The following ZMIZ1 variants were observed in gnomAD, a reference collection of about 807,000 sequenced individuals.
The protein encoded by ZMIZ1 is zinc finger MIZ domain-containing protein 1.
Under a neutral mutation model 113.9 loss-of-function variants are expected in ZMIZ1, and 17 were observed. The observed-to-expected ratio is 0.15, with a 90% CI of 0.10 to 0.22. The LOEUF (loss-of-function observed/expected upper bound fraction) is 0.22, where lower values mean the gene tolerates loss of function less well. ZMIZ1 is among the 10% of genes least tolerant of loss of function. The pLI, the probability that ZMIZ1 is intolerant of heterozygous loss-of-function variation, is 1.00. For synonymous variants in ZMIZ1, 607 were observed against 603.1 expected (o/e 1.01, Z -0.09); for missense variants, 1,059 against 1,477.8 (o/e 0.72, Z 4.65).
chr10:79,269,856 C>G (rs78124091), intron 7 of ZMIZ1, among the ~76,000 whole-genome samples: 3,587 of 152,300 alleles, frequency 0.024, 151 homozygotes, highest in African/African-American at 0.081. Context: ...GGCGAGGAAG[C>G]CTTTCCCAGG....
At chr10:79,087,101 T>C (rs1023293137) in intron 1 of ZMIZ1, among the ~76,000 whole-genome samples, 9 of 152,284 alleles carry the variant, frequency 5.9e-5, no homozygotes, top group African/African-American at 2.2e-4. Flanking sequence ...CCCAGGCCTC[T>C]AACCCTCCAC....
At chr10:79,206,868 A>G (rs1848338142) in intron 5 of ZMIZ1, among the ~76,000 whole-genome samples, 1 of 152,140 alleles carries the variant, frequency 6.6e-6, no homozygotes, top group East Asian at 1.9e-4. Context: ...CTTTACTTCC[A>G]TGGAAGGAGG....
chr10:79,193,794 C>A (rs982494890), intron 4 of ZMIZ1, among the ~76,000 whole-genome samples: 21 of 152,232 alleles, frequency 1.4e-4, no homozygotes, highest in Admixed American at 1.3e-3. Context: ...CAGTCAGAGG[C>A]AAAGACATGG....
At chr10:79,264,638 A>C (rs1431838109) in intron 7 of ZMIZ1, among the ~76,000 whole-genome samples, 1 of 152,142 alleles carries the variant, frequency 6.6e-6, no homozygotes, top group Non-Finnish European at 1.5e-5. Context: ...CACAGTATCT[A>C]GTTTCTCCAA....
intron 7 of ZMIZ1, among the ~76,000 whole-genome samples, chr10:79,232,026 G>A (rs1309428567): frequency 6.6e-6 from 1 of 152,202 alleles, no homozygotes; most frequent in Non-Finnish European, 1.5e-5. Context: ...GTCAGTTTTT[G>A]GAGAATCTAG....
chr10:79,098,788 C>T (rs11002815), intron 1 of ZMIZ1, among the ~76,000 whole-genome samples: 20,543 of 152,188 alleles, frequency 0.13, 1,732 homozygotes, highest in East Asian at 0.26. Flanking sequence ...AGGTGGCATG[C>T]GGCTGGGGGC....
chr10:79,289,960 C>T (rs1853365236), intron 9 of ZMIZ1, 71 bp downstream of exon 9: 1 of 1,452,918 alleles, frequency 6.9e-7, no homozygotes, highest in East Asian at 2.3e-5. Flanking sequence ...TGGAGCCATA[C>T]CAGCCCTCTT....
At chr10:79,126,964 A>G (rs1036573821) in intron 2 of ZMIZ1, among the ~76,000 whole-genome samples, 13 of 152,146 alleles carry the variant, frequency 8.5e-5, no homozygotes, top group Non-Finnish European at 2.9e-5. Flanking sequence ...GGCTGGACCA[A>G]CCTGAGAGGA....
intron 4 of ZMIZ1, among the ~76,000 whole-genome samples, chr10:79,162,858 G>C (rs1050928521): frequency 6.6e-6 from 1 of 152,138 alleles, no homozygotes; most frequent in Non-Finnish European, 1.5e-5. Context: ...TGGACCCCCC[G>C]CCTGATAAGG....
chr10:79,083,258 G>A (rs1030184413), intron 1 of ZMIZ1, among the ~76,000 whole-genome samples: 19 of 152,210 alleles, frequency 1.2e-4, no homozygotes, highest in Admixed American at 1.0e-3. Context: ...GGCTGCATTT[G>A]AGCACATACC....
intron 1 of ZMIZ1, among the ~76,000 whole-genome samples, chr10:79,111,902 T>A (rs1178840551): frequency 6.6e-6 from 1 of 152,238 alleles, no homozygotes. Context: ...CAAATGTGAA[T>A]AGAATTCAGT....
intron 18 of ZMIZ1, among the ~76,000 whole-genome samples, chr10:79,303,749 C>G (rs1241337658): frequency 6.6e-6 from 1 of 152,232 alleles, no homozygotes. Flanking sequence ...AAGGCAGGGC[C>G]TGCTCTGCAG....
chr10:79,311,903 C>A (rs1249640344), intron 24 of ZMIZ1, among the ~76,000 whole-genome samples: 1 of 152,132 alleles, frequency 6.6e-6, no homozygotes. Context: ...GAGGCTTGTC[C>A]TCGGCCCCTC....
Position 79,314,044 on chromosome 10 carries a change from A to C in ZMIZ1, c.*1295A>C. The C allele has an allele frequency of 2.2e-6, 1 of 456,842 alleles. No individual in the cohort carries two copies. The highest frequency in any genetic ancestry group is 4.4e-6 in the Non-Finnish European group (1 of 226,972). 28.3% of individuals were successfully genotyped at this position (456,842 alleles called of 1,614,324 possible). A position where few individuals can be genotyped will look rare whatever the true frequency, so the allele number is the denominator to read the frequency against. On this transcript the variant is annotated 3_prime_UTR_variant, in exon 25 of 25. Transcript: ENST00000334512. The stretch of plus-strand genomic sequence containing the variant: ...GCGTGTTTCTGGGCCTGCCCCAGAC[A>C]CTGCCCTTGGCTGCCAGCCTACCCT...
chr10:79,306,000 C>T lies in ZMIZ1; in HGVS notation c.2424-100C>T, dbSNP rs1854666446. The T allele has an allele frequency of 3.3e-6, 5 of 1,520,790 alleles. No homozygotes were observed. In the South Asian group the frequency reaches 5.1e-5, roughly 15 times the overall value. The allele number at this position is 1,520,790 out of a possible 1,614,324, so 94.2% of individuals were successfully genotyped here. ...AGTGTGGTGAGAGTGGGAGCAGGGGCCTCAACAAGGTCACCTGGGTGTCTG... is the reference window on the plus strand; with the variant it reads ...AGTGTGGTGAGAGTGGGAGCAGGGGTCTCAACAAGGTCACCTGGGTGTCTG... On this transcript the variant is annotated intron_variant, in intron 21 of 24. Transcript: ENST00000334512.
chr10:79,126,688 G>T (rs2132352923), intron 2 of ZMIZ1, among the ~76,000 whole-genome samples: 1 of 152,324 alleles, frequency 6.6e-6, no homozygotes, highest in East Asian at 1.9e-4. Context: ...CTTGCTAAAT[G>T]CCCCTGAGTA....
chr10:79,142,115 T>C (rs1274026154), intron 3 of ZMIZ1, among the ~76,000 whole-genome samples: 3 of 150,416 alleles, frequency 2.0e-5, no homozygotes, highest in Non-Finnish European at 4.4e-5. Flanking sequence ...AGAAGGGAGG[T>C]GGTTATTTGC....
At chr10:79,202,189 G>GAAAAAAAAAA (rs58021590) in intron 5 of ZMIZ1, among the ~76,000 whole-genome samples, 7 of 52,632 alleles carry the variant, frequency 1.3e-4, no homozygotes, top group African/African-American at 2.5e-4. Context: ...CCCTGTCTCA[G>GAAAAAAAAAA]AAAAAAAAAA....
chr10:79,251,887 C>T (rs1431524308), intron 7 of ZMIZ1, among the ~76,000 whole-genome samples: 4 of 152,332 alleles, frequency 2.6e-5, no homozygotes, highest in Middle Eastern at 3.4e-3. Context: ...AACAGAGAAA[C>T]GCCCTATCCC....
Sources: allele counts gnomAD v4.1 joint callset (sites outside exome capture counted in the v4.1 genomes callset), GRCh38; gene constraint gnomAD v4.1.1; transcripts MANE v1.5; gene names NCBI Gene and HGNC (gene_info 2026-07-23, HGNC 2026-07-21).